Variants in VPS50 observed in about 807,000 individuals in gnomAD.
VPS50 encodes the protein syndetin.
VPS50 carries 70 observed loss-of-function variants against 139.7 expected under a neutral mutation model. The ratio of observed to expected loss-of-function variants is 0.50; its 90% confidence interval spans 0.41 to 0.61. The LOEUF (loss-of-function observed/expected upper bound fraction) is 0.61, where lower values mean the gene tolerates loss of function less well. Among genes scored for constraint, VPS50 ranks in the 20% least tolerant of loss-of-function variants. The probability of loss-of-function intolerance (pLI) is 0.00; values close to 1 mark genes in which losing one functional copy is unlikely to be tolerated. For synonymous variants in VPS50, 365 were observed against 376.7 expected, an observed-to-expected ratio of 0.97 and a Z score of 0.36; for missense variants, 921 against 1,133.7, an observed-to-expected ratio of 0.81 and a Z score of 2.69.
intron 25 of VPS50, among the ~76,000 whole-genome samples, chr7:93,351,470 A>T (rs1798556359): frequency 1.3e-5 from 2 of 152,244 alleles, no homozygotes; most frequent in East Asian, 1.9e-4. Context: ...TAGGTGGCTT[A>T]TAAGCAGAGC....
chr7:93,307,154 C>A (rs1359166926), intron 18 of VPS50, among the ~76,000 whole-genome samples: 1 of 151,858 alleles, frequency 6.6e-6, no homozygotes, highest in Non-Finnish European at 1.5e-5. Flanking sequence ...CCATTACTCC[C>A]AGAGCAAATA....
In VPS50 at chr7:93,239,935, G is replaced by T; in HGVS notation, c.102+1G>T. The T allele has an allele frequency of 6.3e-7, 1 of 1,578,198 alleles. No individual in the cohort carries two copies. ...AGAGAGTCTCCGGGTCCCTGGAAAG[G>T]TATTGAGCTACACGTGTGAGCGTGA... On this transcript the variant is annotated splice_donor_variant, in intron 2 of 27. Coordinates refer to ENST00000305866, the MANE Select transcript of VPS50 (RefSeq NM_017667.4). LOFTEE classifies it high-confidence loss of function.
intron 18 of VPS50, 84 bp downstream of exon 18, chr7:93,306,088 C>A: frequency 1.0e-6 from 1 of 985,152 alleles, no homozygotes; most frequent in South Asian, 1.5e-5. Context: ...ACTACATTTA[C>A]GTATCCATTT....
At chr7:93,281,581 CT>C (rs1796328276) in intron 12 of VPS50, among the ~76,000 whole-genome samples, 1 of 152,090 alleles carries the variant, frequency 6.6e-6, no homozygotes, top group South Asian at 2.1e-4. Flanking sequence ...CCTCCTTACC[CT>C]TTTTCTGTTT....
chr7:93,306,775 TA>T, intron 18 of VPS50, among the ~76,000 whole-genome samples: 1 of 152,080 alleles, frequency 6.6e-6, no homozygotes, highest in African/African-American at 2.4e-5. Flanking sequence ...ATATGATTTT[TA>T]TTTTTGATTT....
At chr7:93,278,382 G>C (rs1796221443) in intron 12 of VPS50, among the ~76,000 whole-genome samples, 1 of 151,566 alleles carries the variant, frequency 6.6e-6, no homozygotes, top group Admixed American at 6.6e-5. Flanking sequence ...GGAGGCCAGG[G>C]GTTCAAGACC....
rs758810396 is a variant in VPS50 at position 93,360,275 on chromosome 7, T to C, written c.*1839T>C. 2.0e-5 allele frequency: 3 copies of C among 152,110 alleles called. No individual in the cohort carries two copies. Among genetic ancestry groups the C allele is most frequent in the Non-Finnish European group, 4.4e-5 (3 of 68,014 alleles). 9.4% of individuals were successfully genotyped at this position (152,110 alleles called of 1,614,324 possible). On this transcript the variant is annotated 3_prime_UTR_variant, in exon 28 of 28. Transcript: ENST00000305866. ...CCAGTGTTTTCCAAGGTAATAGGAA[T>C]TGATACAAAAGAATTACTTATCTTG...
intron 24 of VPS50, 144 bp downstream of exon 24, chr7:93,348,951 T>C: frequency 3.3e-6 from 2 of 613,536 alleles, no homozygotes; most frequent in Non-Finnish European, 5.8e-6. Flanking sequence ...TATTCACTCA[T>C]GAATTCCTAC....
intron 18 of VPS50, among the ~76,000 whole-genome samples, chr7:93,306,601 C>T (rs917100104): frequency 1.3e-5 from 2 of 151,900 alleles, no homozygotes; most frequent in East Asian, 1.9e-4. Context: ...AGCTGTGTGG[C>T]CCTTGGCAAA....
At chr7:93,258,455 A>G in intron 8 of VPS50, 63 bp downstream of exon 8, 2 of 1,289,394 alleles carry the variant, frequency 1.6e-6, no homozygotes, top group South Asian at 2.5e-5. Context: ...AAAGCAGACA[A>G]AATTCAGAAG....
intron 2 of VPS50, among the ~76,000 whole-genome samples, chr7:93,246,796 G>A (rs1289237427): frequency 1.3e-5 from 2 of 151,854 alleles, no homozygotes; most frequent in Non-Finnish European, 2.9e-5. Context: ...TCCCTTGAGT[G>A]ATGAACTCTT....
At chr7:93,306,652 G>A (rs1435056147) in intron 18 of VPS50, among the ~76,000 whole-genome samples, 3 of 151,868 alleles carry the variant, frequency 2.0e-5, no homozygotes, top group African/African-American at 7.2e-5. Context: ...CATATTTACA[G>A]GGAGAGGAAT....
chr7:93,316,135 G>A (rs1797421445), intron 20 of VPS50, among the ~76,000 whole-genome samples: 1 of 152,142 alleles, frequency 6.6e-6, no homozygotes, highest in Non-Finnish European at 1.5e-5. Flanking sequence ...GTTGGTAAAG[G>A]CATTTTGGAC....
Position 93,341,475 on chromosome 7 carries a change from AAGG to A in VPS50, c.2110_2112del (p.Glu704del). On this transcript the variant is annotated inframe_deletion, in exon 23 of 28. Coordinates refer to ENST00000305866, the MANE Select transcript of VPS50 (RefSeq NM_017667.4). ...CACACTCACAGCAGCAGAAGAAAGA[AAGG>A]AGAAGGTGCCAAGTCCACACCTCAG... 2 of 1,613,080 alleles carry A rather than the reference AAGG, an allele frequency of 1.2e-6. No homozygotes were observed. Among genetic ancestry groups the A allele is most frequent in the South Asian group, 1.1e-5 (1 of 90,938 alleles).
Position 93,359,809 on chromosome 7 carries a change from A to T in VPS50, c.*1373A>T, listed in dbSNP as rs969386802. 2 of 152,162 alleles carry T rather than the reference A, an allele frequency of 1.3e-5. No individual in the cohort carries two copies. The highest frequency in any genetic ancestry group is 4.8e-5 in the African/African-American group (2 of 41,450). The allele number at this position is 152,162 out of a possible 1,614,324, so 9.4% of individuals were successfully genotyped here. A position where few individuals can be genotyped will look rare whatever the true frequency, so the allele number is the denominator to read the frequency against. On this transcript the variant is annotated 3_prime_UTR_variant, in exon 28 of 28. Transcript: ENST00000305866. ...TACTCTGTGTCCATCAGTCCCTGCG[A>T]TGTCTGTAAATGCACAGTGTAATGT...
chr7:93,253,345 T>A (rs1176766417), intron 3 of VPS50, among the ~76,000 whole-genome samples: 1 of 152,206 alleles, frequency 6.6e-6, no homozygotes, highest in Non-Finnish European at 1.5e-5. Flanking sequence ...CATTTTTTGG[T>A]TAGTTTCCCA....
chr7:93,348,439 C>A (rs1261836017), intron 23 of VPS50, among the ~76,000 whole-genome samples: 1 of 152,172 alleles, frequency 6.6e-6, no homozygotes, highest in Non-Finnish European at 1.5e-5. Flanking sequence ...ACATTTGAAG[C>A]ACATGACTAC....
chr7:93,340,719 A>T (rs1002395763), intron 22 of VPS50: 2 of 152,278 alleles, frequency 1.3e-5, no homozygotes, highest in African/African-American at 4.8e-5. Context: ...GTATATCATC[A>T]GATGAAAGTA....
Position 93,311,239 on chromosome 7 carries a change from A to G in VPS50, c.1822A>G (p.Thr608Ala). 7.5e-7 allele frequency: 1 copy of G among 1,335,008 alleles called. No homozygotes were observed. Among genetic ancestry groups the G allele is most frequent in the Non-Finnish European group, 1.1e-6 (1 of 925,562 alleles). The allele number at this position is 1,335,008 out of a possible 1,614,324, so 82.7% of individuals were successfully genotyped here. The change falls in exon 20 of 28, where the codon ACA becomes GCA. Residue 608 changes from threonine (T) to alanine (A), a missense_variant. Thr to Ala is a moderately conservative substitution (Grantham distance 58, BLOSUM62 0). This residue lies in a region of VPS50 where 744 missense variants were observed against 930.6 expected (regional missense o/e 0.80). Transcript: ENST00000305866. ...SLNKVNAPIL[T>A]NTTLNVIRLV... ...AAATAAAGTGAATGCACCTATCTTA[A>G]CAAATACAACATTGAACGTCATAAG...
Sources: allele counts gnomAD v4.1 joint callset (sites outside exome capture counted in the v4.1 genomes callset), GRCh38; gene constraint gnomAD v4.1.1; regional missense constraint gnomAD v4.1.1; transcripts MANE v1.5; gene names NCBI Gene and HGNC (gene_info 2026-07-23, HGNC 2026-07-21).